HPD: variants seen among roughly 807,000 people sequenced by gnomAD.
HPD encodes 4-hydroxyphenylpyruvic acid oxidase.
A neutral mutation model predicts 56.9 loss-of-function variants in HPD; 35 were observed. The observed-to-expected ratio is 0.62, with a 90% confidence interval of 0.47 to 0.82. The LOEUF (loss-of-function observed/expected upper bound fraction) is 0.82, where lower values mean the gene tolerates loss of function less well. HPD is among the 40% of genes least tolerant of loss of function. The pLI is 0.00. For missense variants in HPD, 442 were observed against 506.8 expected (o/e 0.87, Z 1.23); for synonymous variants, 186 against 200.2 (o/e 0.93, Z 0.60).
At chr12:121,868,278 A>G (rs985001384), upstream of HPD, among the ~76,000 whole-genome samples, 5 of 152,218 alleles carry the variant, frequency 3.3e-5, no homozygotes, top group African/African-American at 9.6e-5. Flanking sequence ...GTTACAAAAC[A>G]GAATACAAAT....
chr12:121,876,038 G>T, the HPD span, among the ~76,000 whole-genome samples: 2 of 152,186 alleles, frequency 1.3e-5, no homozygotes, highest in African/African-American at 4.8e-5. Flanking sequence ...GAGGCCAGGC[G>T]TGGTGGCTCA....
chr12:121,858,882 G>A (rs779355265), upstream of HPD: 13 of 1,605,518 alleles, frequency 8.1e-6, no homozygotes, highest in Non-Finnish European at 1.1e-5. Context: ...CTGGGCCGGA[G>A]TATTTAACCC....
At chr12:121,843,855 T>C (rs894537976) in intron 11 of HPD, 23 bp from the exon 12 acceptor site, 1 of 1,613,730 alleles carries the variant, frequency 6.2e-7, no homozygotes, top group African/African-American at 1.3e-5. Context: ...AAAGCTGAGG[T>C]CAGCCTTCGG....
At chr12:121,865,664 T>C (rs1878308561), upstream of HPD, among the ~76,000 whole-genome samples, 2 of 150,474 alleles carry the variant, frequency 1.3e-5, no homozygotes, top group Admixed American at 6.6e-5. Context: ...CAACAGGAGA[T>C]TGGCTTAATA....
chr12:121,884,835 C>CA, the HPD span, among the ~76,000 whole-genome samples: 1 of 151,824 alleles, frequency 6.6e-6, no homozygotes, highest in Non-Finnish European at 1.5e-5. Context: ...ACAGAGTCAC[C>CA]AATTATTAAC....
intron 10 of HPD, 40 bp downstream of exon 10, chr12:121,847,011 TC>T: frequency 6.2e-7 from 1 of 1,613,818 alleles, no homozygotes; most frequent in Non-Finnish European, 8.5e-7. Flanking sequence ...CCCCCAGACC[TC>T]TTCCCTGCTC....
chr12:121,854,065 C>T (rs572149427), intron 7 of HPD, among the ~76,000 whole-genome samples: 126 of 152,204 alleles, frequency 8.3e-4, no homozygotes, highest in African/African-American at 2.5e-3. Context: ...CTGGCTAACA[C>T]GGTGAAACCC....
chr12:121,846,401 G>A lies in HPD; in HGVS notation c.831+461C>T, dbSNP rs1877583571. ...CCAGATAATTTTTGTATTTTTAGTA[G>A]AGATGGGGTTTCACCATGTTGGCCA... On this transcript the variant is annotated intron_variant, in intron 11 of 13. Coordinates refer to ENST00000289004, the MANE Select transcript of HPD (RefSeq NM_002150.3). Among the ~76,000 whole-genome samples, 5 of 152,108 alleles carry A rather than the reference G, an allele frequency of 3.3e-5. 1 individual carries two copies. Among genetic ancestry groups the A allele is most frequent in the African/African-American group, 1.2e-4 (5 of 41,422 alleles).
chr12:121,863,413 C>G (rs1029005936), upstream of HPD: 1 of 152,220 alleles, frequency 6.6e-6, no homozygotes, highest in Non-Finnish European at 1.5e-5. Flanking sequence ...CTCAAAACTC[C>G]CCACCAAATG....
chr12:121,872,284 T>C, the HPD span, among the ~76,000 whole-genome samples: 1 of 146,390 alleles, frequency 6.8e-6, no homozygotes, highest in Non-Finnish European at 1.5e-5. Context: ...CAGGCTGGAG[T>C]GCAATGGTGC....
upstream of HPD, among the ~76,000 whole-genome samples, chr12:121,866,942 A>G (rs1350345888): frequency 1.3e-5 from 2 of 151,650 alleles, no homozygotes; most frequent in East Asian, 3.9e-4. Context: ...CCTCATCCCA[A>G]CCCCTGGCAA....
intron 11 of HPD, among the ~76,000 whole-genome samples, chr12:121,845,887 A>T (rs932956579): frequency 1.3e-5 from 2 of 152,158 alleles, no homozygotes; most frequent in East Asian, 1.9e-4. Flanking sequence ...TCCTCATTTT[A>T]AAAAAAATTT....
chr12:121,873,055 C>T, the HPD span, among the ~76,000 whole-genome samples: 8 of 152,030 alleles, frequency 5.3e-5, no homozygotes, highest in East Asian at 1.9e-4. Flanking sequence ...TGTCAAGCAC[C>T]GAGGTAGGGA....
chr12:121,853,630 AAAAAAAAAGAAAAAAG>A (rs1877887180), intron 7 of HPD, among the ~76,000 whole-genome samples: 1 of 148,632 alleles, frequency 6.7e-6, no homozygotes, highest in Non-Finnish European at 1.5e-5. Context: ...TCAAAAAAAA[AAAAAAAAAGAAAAAAG>A]AAAGTTGAAG....
chr12:121,870,602 T>TG, the HPD span, among the ~76,000 whole-genome samples: 3 of 150,788 alleles, frequency 2.0e-5, no homozygotes, highest in African/African-American at 7.3e-5. Flanking sequence ...AAGGTTTTTT[T>TG]TTTTTTTTTT....
At chr12:121,881,988 G>A in the HPD span, among the ~76,000 whole-genome samples, 4 of 151,186 alleles carry the variant, frequency 2.6e-5, no homozygotes, top group Non-Finnish European at 4.4e-5. Context: ...CACCATGTTC[G>A]CCAGGCTGGT....
chr12:121,852,788 C>T (rs566805946), intron 7 of HPD, among the ~76,000 whole-genome samples: 57 of 152,018 alleles, frequency 3.7e-4, no homozygotes, highest in Admixed American at 7.2e-4. Context: ...GTGCACACCA[C>T]CATGCCTGGC....
intron 2 of HPD, among the ~76,000 whole-genome samples, 168 bp downstream of exon 2, chr12:121,858,519 C>T (rs1187504568): frequency 6.6e-6 from 1 of 152,016 alleles, no homozygotes; most frequent in Non-Finnish European, 1.5e-5. Context: ...AGGTTGAGTC[C>T]AGCTCAGTCT....
the HPD span, among the ~76,000 whole-genome samples, chr12:121,880,094 C>A: frequency 6.6e-6 from 1 of 150,868 alleles, no homozygotes; most frequent in Non-Finnish European, 1.5e-5. Context: ...CTGCAGTGAG[C>A]CATGATTGCA....
Sources: gnomAD v4.1 joint callset for allele counts (sites outside exome capture counted in the v4.1 genomes callset) on GRCh38, gnomAD v4.1.1 for gene constraint, MANE v1.5 for transcripts, NCBI Gene and HGNC (gene_info 2026-07-23, HGNC 2026-07-21) for gene names.